The following ZFPM2 variants were observed in gnomAD, a reference collection of about 807,000 sequenced individuals.
ZFPM2 encodes zinc finger protein ZFPM2.
A neutral mutation model predicts 98.6 loss-of-function variants in ZFPM2; 20 were observed. The ratio of observed to expected loss-of-function variants is 0.20; its 90% confidence interval spans 0.14 to 0.29. ZFPM2 has a LOEUF of 0.29. ZFPM2 is among the 10% of genes least tolerant of loss of function. The pLI, the probability that ZFPM2 is intolerant of heterozygous loss-of-function variation, is 1.00. For missense variants in ZFPM2, 1,310 were observed against 1,388.6 expected, an observed-to-expected ratio of 0.94 and a Z score of 0.90; for synonymous variants, 518 against 502.7, an observed-to-expected ratio of 1.03 and a Z score of -0.41.
intron 3 of ZFPM2, among the ~76,000 whole-genome samples, chr8:105,477,648 A>G (rs1372840765): frequency 6.6e-6 from 1 of 152,218 alleles, no homozygotes; most frequent in Admixed American, 6.5e-5. Context: ...ATCCTTTTAT[A>G]GAATAATACC....
intron 2 of ZFPM2, among the ~76,000 whole-genome samples, chr8:105,425,093 A>G (rs2130112056): frequency 6.6e-6 from 1 of 152,302 alleles, no homozygotes; most frequent in South Asian, 2.1e-4. Context: ...AGAAGAGGAC[A>G]GCAGAGAGCT....
At chr8:105,602,641 A>ATGTGTGCATTTGTACATACATGAATATG (rs772340965) in intron 4 of ZFPM2, among the ~76,000 whole-genome samples, 23 of 152,130 alleles carry the variant, frequency 1.5e-4, no homozygotes, top group Non-Finnish European at 3.1e-4. Flanking sequence ...TGTGATACAT[A>ATGTGTGCATTTGTACATACATGAATATG]TGTGTGCATT....
At chr8:105,455,583 T>C (rs2130274379) in intron 3 of ZFPM2, among the ~76,000 whole-genome samples, 1 of 152,262 alleles carries the variant, frequency 6.6e-6, no homozygotes, top group African/African-American at 2.4e-5. Flanking sequence ...ATGCTCATAT[T>C]TGCATTAAGA....
At chr8:105,618,173 G>A (rs1269171635) in intron 4 of ZFPM2, among the ~76,000 whole-genome samples, 2 of 152,138 alleles carry the variant, frequency 1.3e-5, no homozygotes, top group East Asian at 3.8e-4. Flanking sequence ...ACTCATGGAA[G>A]ATCATTTAAG....
chr8:105,600,518 T>G (rs915597817), intron 4 of ZFPM2, among the ~76,000 whole-genome samples: 5 of 152,152 alleles, frequency 3.3e-5, no homozygotes. Context: ...GTTTCCCTTC[T>G]GTTGTATTTT....
chr8:105,492,171 C>G (rs955261920), intron 3 of ZFPM2, among the ~76,000 whole-genome samples: 3 of 152,116 alleles, frequency 2.0e-5, no homozygotes, highest in Admixed American at 2.0e-4. Flanking sequence ...TTCTGTTTTA[C>G]TGTGCGTTTT....
intron 5 of ZFPM2, among the ~76,000 whole-genome samples, chr8:105,663,557 C>A (rs1198229012): frequency 1.3e-5 from 2 of 152,106 alleles, no homozygotes; most frequent in East Asian, 1.9e-4. Flanking sequence ...CTTCTTTTTG[C>A]AACCTTATAA....
At chr8:105,594,726 C>T (rs1408791953) in intron 4 of ZFPM2, among the ~76,000 whole-genome samples, 1 of 152,076 alleles carries the variant, frequency 6.6e-6, no homozygotes, top group Non-Finnish European at 1.5e-5. Context: ...TAATTTTATA[C>T]TACCTCCCTA....
At chr8:105,375,343 A>G (rs1245581776) in intron 1 of ZFPM2, among the ~76,000 whole-genome samples, 3 of 152,102 alleles carry the variant, frequency 2.0e-5, no homozygotes, top group Non-Finnish European at 2.9e-5. Context: ...AAGGAAAGAG[A>G]ATCAGGGACA....
chr8:105,727,370 A>C (rs1204374657), intron 5 of ZFPM2, among the ~76,000 whole-genome samples: 2 of 151,656 alleles, frequency 1.3e-5, no homozygotes, highest in East Asian at 3.9e-4. Flanking sequence ...AAATAAATAA[A>C]TACATAAATA....
chr8:105,403,345 C>T (rs868132207), intron 1 of ZFPM2, among the ~76,000 whole-genome samples: 13 of 151,968 alleles, frequency 8.6e-5, no homozygotes, highest in African/African-American at 2.9e-4. Flanking sequence ...TCTTTTCGAT[C>T]TGTTGTTATT....
At chr8:105,773,436 T>C (rs1813027709) in intron 5 of ZFPM2, among the ~76,000 whole-genome samples, 1 of 152,118 alleles carries the variant, frequency 6.6e-6, no homozygotes. Context: ...AAGCACAGTA[T>C]TAAAGTTTTC....
chr8:105,470,999 G>C (rs910996827), intron 3 of ZFPM2, among the ~76,000 whole-genome samples: 3 of 152,006 alleles, frequency 2.0e-5, no homozygotes, highest in African/African-American at 7.2e-5. Context: ...ACTCCATGAG[G>C]TATGGCTCTT....
chr8:105,767,357 A>G (rs1347703957), intron 5 of ZFPM2, among the ~76,000 whole-genome samples: 1 of 151,982 alleles, frequency 6.6e-6, no homozygotes, highest in African/African-American at 2.4e-5. Flanking sequence ...TAAAAGGCAC[A>G]GAAATAAAAG....
chr8:105,592,893 C>T (rs1815881131), intron 4 of ZFPM2, among the ~76,000 whole-genome samples: 1 of 152,138 alleles, frequency 6.6e-6, no homozygotes. Context: ...ATTAGAGCTG[C>T]TTGCCTCATT....
intron 3 of ZFPM2, among the ~76,000 whole-genome samples, chr8:105,474,425 C>G (rs1272036855): frequency 6.6e-6 from 1 of 152,166 alleles, no homozygotes; most frequent in Non-Finnish European, 1.5e-5. Context: ...AACTTAATTT[C>G]ACCAACAGTT....
At chr8:105,747,638 C>T (rs1812378581) in intron 5 of ZFPM2, among the ~76,000 whole-genome samples, 1 of 151,954 alleles carries the variant, frequency 6.6e-6, no homozygotes, top group African/African-American at 2.4e-5. Context: ...ATCAACATGC[C>T]GATAGTACCA....
chr8:105,772,879 T>C (rs1813011820), intron 5 of ZFPM2, among the ~76,000 whole-genome samples: 1 of 152,174 alleles, frequency 6.6e-6, no homozygotes, highest in Admixed American at 6.6e-5. Flanking sequence ...GTTCTTACCC[T>C]GTTTCAGAGG....
chr8:105,697,641 A>G (rs569655895), intron 5 of ZFPM2, among the ~76,000 whole-genome samples: 74 of 152,276 alleles, frequency 4.9e-4, no homozygotes, highest in African/African-American at 1.6e-3. Flanking sequence ...CTGCTGTATA[A>G]TGAAATTTTC....
Sources: allele counts gnomAD v4.1 joint callset (sites outside exome capture counted in the v4.1 genomes callset), GRCh38; gene constraint gnomAD v4.1.1; transcripts MANE v1.5; gene names NCBI Gene and HGNC (gene_info 2026-07-23, HGNC 2026-07-21).